Variants in PPHLN1 observed in about 807,000 individuals in gnomAD.
The protein encoded by PPHLN1 is periphilin-1.
In PPHLN1, 29 loss-of-function variants were observed where a neutral mutation model predicts 51.3. That is an observed-to-expected ratio of 0.57 (90% confidence interval 0.42 to 0.77). PPHLN1 has a LOEUF of 0.77. Among genes scored for constraint, PPHLN1 ranks in the 30% least tolerant of loss-of-function variants. The probability of loss-of-function intolerance (pLI) is 0.00; values close to 1 mark genes in which losing one functional copy is unlikely to be tolerated. For missense variants in PPHLN1, 436 were observed against 438.4 expected, an observed-to-expected ratio of 0.99 and a Z score of 0.05; for synonymous variants, 147 against 147.8, an observed-to-expected ratio of 0.99 and a Z score of 0.04.
At chr12:42,367,123 T>A (rs528660240) in intron 4 of PPHLN1, among the ~76,000 whole-genome samples, 14 of 152,332 alleles carry the variant, frequency 9.2e-5, no homozygotes, top group African/African-American at 3.4e-4. Flanking sequence ...ATGTCAACCA[T>A]GAGAGTTTCT....
chr12:42,367,759 A>T (rs1180564259), intron 4 of PPHLN1, among the ~76,000 whole-genome samples: 2 of 152,176 alleles, frequency 1.3e-5, no homozygotes, highest in Non-Finnish European at 2.9e-5. Context: ...TTTGAAACAG[A>T]GTCTCGCTCT....
intron 8 of PPHLN1, among the ~76,000 whole-genome samples, chr12:42,395,667 A>G (rs1056116035): frequency 6.6e-6 from 1 of 152,152 alleles, no homozygotes; most frequent in South Asian, 2.1e-4. Context: ...TTTGATGCCA[A>G]GCAAGAGTTT....
downstream of PPHLN1, chr12:42,442,858 A>T: frequency 6.7e-7 from 1 of 1,481,748 alleles, no homozygotes. Flanking sequence ...GTATTGAAAC[A>T]ACTGCTTAAA....
chr12:42,327,067 G>A (rs1368590255), intron 1 of PPHLN1, among the ~76,000 whole-genome samples: 1 of 152,168 alleles, frequency 6.6e-6, no homozygotes, highest in Non-Finnish European at 1.5e-5. Flanking sequence ...GCATACTTGT[G>A]GCCAGCCAAA....
chr12:42,406,121 T>C (rs1333650719), intron 9 of PPHLN1, among the ~76,000 whole-genome samples: 1 of 147,896 alleles, frequency 6.8e-6, no homozygotes, highest in African/African-American at 2.4e-5. Flanking sequence ...TCTTGCTCTG[T>C]CACCCAGATT....
chr12:42,329,429 G>C (rs976728517), intron 1 of PPHLN1, among the ~76,000 whole-genome samples: 1 of 152,220 alleles, frequency 6.6e-6, no homozygotes, highest in East Asian at 1.9e-4. Flanking sequence ...TTTTCTAATA[G>C]AAACATTAGA....
intron 7 of PPHLN1, 70 bp downstream of exon 7, chr12:42,387,605 T>G (rs2077299577): frequency 1.3e-6 from 2 of 1,520,736 alleles, no homozygotes; most frequent in African/African-American, 2.8e-5. Context: ...GTACAGATGC[T>G]TTTATTCTTT....
chr12:42,369,101 T>C (rs2075557931), intron 4 of PPHLN1, among the ~76,000 whole-genome samples: 1 of 152,208 alleles, frequency 6.6e-6, no homozygotes, highest in South Asian at 2.1e-4. Context: ...GCTGCTGTTG[T>C]GTGTCAGAGG....
Position 42,432,933 on chromosome 12 carries a change from G to A in PPHLN1, c.910-8382G>A, listed in dbSNP as rs2095174072. 3 of 1,251,792 alleles carry A rather than the reference G, an allele frequency of 2.4e-6. No individual in the cohort carries two copies. The South Asian group carries it at 3.6e-5, about 15-fold the overall frequency. The allele number at this position is 1,251,792 out of a possible 1,614,324, so 77.5% of individuals were successfully genotyped here. ...TCACTGGCAGACAGTGTCATTAGCT[G>A]TGTTGTTTCTGGATGGTAAAAAATT... On this transcript the variant is annotated intron_variant, in intron 9 of 9. Transcript: ENST00000358314.
In PPHLN1 at chr12:42,441,757, T is replaced by A. The variant is rs936966839; in HGVS notation, c.*248T>A. The A allele has an allele frequency of 8.8e-7, 1 of 1,131,588 alleles. No individual in the cohort carries two copies. The highest frequency in any genetic ancestry group is 1.6e-5 in the African/African-American group (1 of 61,880). 70.1% of individuals were successfully genotyped at this position (1,131,588 alleles called of 1,614,324 possible). On this transcript the variant is annotated 3_prime_UTR_variant, in exon 10 of 10. Coordinates refer to ENST00000358314, the MANE Select transcript of PPHLN1 (RefSeq NM_201439.2). Reference sequence around the variant, plus strand: ...CTAGTCTCTAACTCCTGGCCTCAAGTGATCTGCCTGCCTCAGCCTCTCAAA... The same window carrying A: ...CTAGTCTCTAACTCCTGGCCTCAAGAGATCTGCCTGCCTCAGCCTCTCAAA...
At chr12:42,403,033 A>G (rs776641498) in intron 9 of PPHLN1, among the ~76,000 whole-genome samples, 1 of 152,244 alleles carries the variant, frequency 6.6e-6, no homozygotes, top group Non-Finnish European at 1.5e-5. Flanking sequence ...AGTTGTGGAC[A>G]TGGAAAATAA....
chr12:42,426,327 A>G (rs976175693), intron 9 of PPHLN1, among the ~76,000 whole-genome samples: 6 of 152,028 alleles, frequency 3.9e-5, no homozygotes, highest in African/African-American at 1.4e-4. Flanking sequence ...TTCAAAACCA[A>G]GCAAGTTCAT....
At chr12:42,365,624 G>T (rs549521644) in intron 4 of PPHLN1, among the ~76,000 whole-genome samples, 6 of 152,320 alleles carry the variant, frequency 3.9e-5, no homozygotes, top group African/African-American at 9.6e-5. Flanking sequence ...TGCAATCACA[G>T]ATGGTTCAAG....
downstream of PPHLN1, chr12:42,444,889 C>T (rs566533745): frequency 1.4e-5 from 8 of 579,588 alleles, no homozygotes; most frequent in East Asian, 1.2e-4. Context: ...AATGGAAAAG[C>T]GGCTATCTGG....
chr12:42,388,033 C>T (rs1228081632), intron 7 of PPHLN1, among the ~76,000 whole-genome samples: 1 of 152,202 alleles, frequency 6.6e-6, no homozygotes, highest in Non-Finnish European at 1.5e-5. Flanking sequence ...GGGACCTCTG[C>T]CCTGGAAAGC....
At chr12:42,396,615 C>CAAAAAAAAAAAAAAAAAAAAA (rs60131845) in intron 8 of PPHLN1, among the ~76,000 whole-genome samples, 4 of 85,494 alleles carry the variant, frequency 4.7e-5, no homozygotes, top group East Asian at 8.6e-4. Flanking sequence ...CTTGTCACTA[C>CAAAAAAAAAAAAAAAAAAAAA]AAAAAAAAAA....
chr12:42,431,904 A>T lies in PPHLN1; in HGVS notation c.910-9411A>T, dbSNP rs117597679. 2.5e-6 allele frequency: 4 copies of T among 1,594,410 alleles called. No individual in the cohort carries two copies. In the East Asian group the frequency reaches 8.9e-5, roughly 36 times the overall value. On this transcript the variant is annotated intron_variant, in intron 9 of 9. Coordinates refer to ENST00000358314, the MANE Select transcript of PPHLN1 (RefSeq NM_201439.2). ...TTCCATCCATCAGAACAGCATCTTC[A>T]TCAGTCCTTCGTCTACGAGACCTCG...
At chr12:42,331,865 C>G (rs942288755) in intron 1 of PPHLN1, 1 of 152,172 alleles carries the variant, frequency 6.6e-6, no homozygotes, top group African/African-American at 2.4e-5. Context: ...TGATCACTCA[C>G]TGGGAGTCTG....
chr12:42,435,086 A>G (rs1338726614), intron 9 of PPHLN1, among the ~76,000 whole-genome samples: 3 of 152,206 alleles, frequency 2.0e-5, no homozygotes, highest in Non-Finnish European at 2.9e-5. Context: ...TCTTTTTTAT[A>G]TGTGGAATTA....
Sources: gnomAD v4.1 joint callset for allele counts (sites outside exome capture counted in the v4.1 genomes callset) on GRCh38, gnomAD v4.1.1 for gene constraint, MANE v1.5 for transcripts, NCBI Gene and HGNC (gene_info 2026-07-23, HGNC 2026-07-21) for gene names.